The following SLC35F5 variants were observed in gnomAD, a reference collection of about 807,000 sequenced individuals.
SLC35F5 encodes solute carrier family 35 member F5, also known as HCV NS5A-transactivated protein 3.
SLC35F5 carries 54 observed loss-of-function variants against 68.6 expected under a neutral mutation model. That is an observed-to-expected ratio of 0.79 (90% confidence interval 0.63 to 0.99). The LOEUF (loss-of-function observed/expected upper bound fraction) is 0.99, where lower values mean the gene tolerates loss of function less well. Among genes scored for constraint, SLC35F5 ranks in the 50% least tolerant of loss-of-function variants. The pLI is 0.00. For missense variants in SLC35F5, 567 were observed against 626.9 expected, an observed-to-expected ratio of 0.90 and a Z score of 1.02; for synonymous variants, 211 against 205.2, an observed-to-expected ratio of 1.03 and a Z score of -0.24.
At chr2:113,723,234 TA>T (rs778029091) in intron 12 of SLC35F5, 40 bp from the exon 13 acceptor site, 1 of 1,156,844 alleles carries the variant, frequency 8.6e-7, no homozygotes, top group Non-Finnish European at 1.2e-6. Context: ...TTTAAAAAAT[TA>T]AACCAAAGAA....
intron 7 of SLC35F5, among the ~76,000 whole-genome samples, chr2:113,737,365 T>C (rs1033072921): frequency 6.6e-6 from 1 of 152,222 alleles, no homozygotes; most frequent in Admixed American, 6.5e-5. Context: ...TGATTCCATC[T>C]GCAATCCTTT....
At chr2:113,715,534 C>A (rs145712603) in intron 15 of SLC35F5, among the ~76,000 whole-genome samples, 2 of 152,138 alleles carry the variant, frequency 1.3e-5, no homozygotes, top group African/African-American at 2.4e-5. Context: ...CTCTCCTTTA[C>A]ACAGCTCTCA....
chr2:113,717,736 C>A lies in SLC35F5; in HGVS notation c.*22+17G>T. The A allele has an allele frequency of 6.6e-7, 1 of 1,521,302 alleles. No homozygotes were observed. The highest frequency in any genetic ancestry group is 9.0e-7 in the Non-Finnish European group (1 of 1,111,440). 94.2% of individuals were successfully genotyped at this position (1,521,302 alleles called of 1,614,324 possible). A position where few individuals can be genotyped will look rare whatever the true frequency, so the allele number is the denominator to read the frequency against. On this transcript the variant is annotated intron_variant, in intron 15 of 15. Transcript: ENST00000245680. ...ATAAGAACCTTATTCAATACTAAAC[C>A]CAGCTCACATACAAACCTGGGCTAC... is the stretch of plus-strand genomic sequence containing the variant.
intron 14 of SLC35F5, 76 bp downstream of exon 14, chr2:113,719,078 G>C: frequency 1.5e-6 from 2 of 1,348,750 alleles, no homozygotes. Flanking sequence ...ATCTCTAAAA[G>C]CTAGGCCAGC....
intron 14 of SLC35F5, 149 bp downstream of exon 14, chr2:113,719,005 C>A (rs6741521): frequency 0.5 from 280,575 of 564,258 alleles, 73,896 homozygotes; most frequent in Middle Eastern, 0.61. Context: ...AGATCTAAAC[C>A]AATTATTTTA....
At chr2:113,716,625 C>G (rs77143629) in intron 15 of SLC35F5, among the ~76,000 whole-genome samples, 2,047 of 152,150 alleles carry the variant, frequency 0.013, 54 homozygotes, top group African/African-American at 0.046. Context: ...AAACCGAGAA[C>G]TCATGAAACA....
chr2:113,718,902 A>G (rs2044688), intron 14 of SLC35F5, among the ~76,000 whole-genome samples: 1 of 94,820 alleles, frequency 1.1e-5, no homozygotes, highest in Non-Finnish European at 2.5e-5. Context: ...AGAAAGAAAG[A>G]AAGAAAGAAA....
intron 15 of SLC35F5, among the ~76,000 whole-genome samples, chr2:113,717,055 T>A (rs1687209746): frequency 6.6e-6 from 1 of 152,228 alleles, no homozygotes; most frequent in Non-Finnish European, 1.5e-5. Flanking sequence ...AAAATTCTAG[T>A]AGTTTTTTGT....
rs577214214 is a variant in SLC35F5, at chr2:113,742,699, C to CA, written c.742dup (p.Cys248LeufsTer24). On this transcript the variant is annotated frameshift_variant, in exon 7 of 16. Transcript: ENST00000245680. LOFTEE classifies it high-confidence loss of function. Reference sequence around the variant, plus strand: ...ATATCATAAAAGACCTACCACAAAGCAAAAAAAAAAGCTAATTTTCGCTAC... The same window carrying CA: ...ATATCATAAAAGACCTACCACAAAGCAAAAAAAAAAAGCTAATTTTCGCTAC... The CA allele has an allele frequency of 3.3e-4, 468 of 1,399,804 alleles. No individual in the cohort carries two copies. Among genetic ancestry groups the CA allele is most frequent in the Middle Eastern group, 5.6e-4 (3 of 5,380 alleles). The allele number at this position is 1,399,804 out of a possible 1,614,324, so 86.7% of individuals were successfully genotyped here.
chr2:113,730,875 A>AT (rs1172458777), intron 10 of SLC35F5, among the ~76,000 whole-genome samples: 1 of 152,220 alleles, frequency 6.6e-6, no homozygotes, highest in African/African-American at 2.4e-5. Flanking sequence ...GCAACAGGAA[A>AT]TTTGTATAGC....
chr2:113,742,836 A>C lies in SLC35F5; in HGVS notation c.606T>G (p.Ile202Met). ...SRVRFSNIME[I>M]RQLPSSHALE... ...ATGCATGACTTGACGGAAGCTGTCG[A>C]ATCTCCATGATATTACTGAACCTCA... Residue 202 changes from isoleucine (I) to methionine (M), a missense_variant, in exon 7 of 16, where the codon ATT becomes ATG. By Grantham distance (10) the Ile-to-Met change is conservative. Coordinates refer to ENST00000245680, the MANE Select transcript of SLC35F5 (RefSeq NM_025181.5). 1 of 1,614,166 alleles carries C rather than the reference A, an allele frequency of 6.2e-7. No homozygotes were observed. Among genetic ancestry groups the C allele is most frequent in the East Asian group, 2.2e-5 (1 of 44,874 alleles).
At chr2:113,749,110 G>A (rs1676634337) in intron 4 of SLC35F5, among the ~76,000 whole-genome samples, 1 of 152,116 alleles carries the variant, frequency 6.6e-6, no homozygotes, top group Non-Finnish European at 1.5e-5. Context: ...GGCAGGTCTT[G>A]AACTCCTGAG....
chr2:113,704,907 G>A (rs1252652828), downstream of SLC35F5: 1 of 152,930 alleles, frequency 6.5e-6, no homozygotes, highest in African/African-American at 2.4e-5. Flanking sequence ...TGGGAAACCA[G>A]GCAGAGGAGG....
intron 11 of SLC35F5, among the ~76,000 whole-genome samples, chr2:113,727,787 TG>T (rs145187356): frequency 0.022 from 3,331 of 152,180 alleles, 136 homozygotes; most frequent in African/African-American, 0.075. Flanking sequence ...ACATCACATA[TG>T]AACAGGACCA....
At chr2:113,723,711 T>C (rs940063846) in intron 12 of SLC35F5, among the ~76,000 whole-genome samples, 22 of 152,218 alleles carry the variant, frequency 1.4e-4, no homozygotes, top group Non-Finnish European at 5.9e-5. Flanking sequence ...AAGAAAGACT[T>C]GAATATTCTT....
chr2:113,742,921 T>C lies in SLC35F5; in HGVS notation c.563-42A>G, dbSNP rs372918066. The C allele has an allele frequency of 1.0e-4, 157 of 1,559,352 alleles. No homozygotes were observed. In the African/African-American group the frequency reaches 1.8e-3, roughly 18 times the overall value. Reference sequence around the variant, plus strand: ...TAATATGAAATAATTAAATAATTCCTCTCCAACAAAAGTCACAAGTTTTAA... The same window carrying C: ...TAATATGAAATAATTAAATAATTCCCCTCCAACAAAAGTCACAAGTTTTAA... On this transcript the variant is annotated intron_variant, in intron 6 of 15. Coordinates refer to ENST00000245680, the MANE Select transcript of SLC35F5 (RefSeq NM_025181.5).
At chr2:113,729,779 TATA>T (rs10532985) in intron 10 of SLC35F5, among the ~76,000 whole-genome samples, 15,682 of 152,184 alleles carry the variant, frequency 0.1, 904 homozygotes, top group Non-Finnish European at 0.13. Flanking sequence ...CTATACATAT[TATA>T]ATAATACAAC....
chr2:113,730,710 A>C (rs754419536), intron 10 of SLC35F5, among the ~76,000 whole-genome samples: 5 of 152,232 alleles, frequency 3.3e-5, no homozygotes, highest in Non-Finnish European at 7.3e-5. Context: ...CTGGGATAAC[A>C]GGCATGAGTC....
chr2:113,753,162 GTTTTTCTTTTT>G (rs1158993645), intron 3 of SLC35F5, among the ~76,000 whole-genome samples: 5 of 50,548 alleles, frequency 9.9e-5, no homozygotes, highest in Non-Finnish European at 2.0e-4. Flanking sequence ...TCCAAAGTTT[GTTTTTCTTTTT>G]TTTTTTTTTT....
Sources: gnomAD v4.1 joint callset for allele counts (sites outside exome capture counted in the v4.1 genomes callset) on GRCh38, gnomAD v4.1.1 for gene constraint, MANE v1.5 for transcripts, NCBI Gene and HGNC (gene_info 2026-07-23, HGNC 2026-07-21) for gene names.